Variants in TSPOAP1 observed in about 807,000 individuals in gnomAD.
TSPOAP1 encodes the protein TSPO associated protein 1, also known as peripheral-type benzodiazepine receptor-associated protein 1.
A neutral mutation model predicts 197.0 loss-of-function variants in TSPOAP1; 87 were observed. The observed-to-expected ratio is 0.44, with a 90% CI of 0.37 to 0.53. TSPOAP1 has a LOEUF of 0.53. Among genes scored for constraint, TSPOAP1 ranks in the 20% least tolerant of loss-of-function variants. TSPOAP1 has a pLI of 0.00. For synonymous variants in TSPOAP1, 913 were observed against 998.9 expected (o/e 0.91, Z 1.62); for missense variants, 2,174 against 2,411.3 (o/e 0.90, Z 2.06).
chr17:58,326,903 G>T lies in TSPOAP1; in HGVS notation c.334-113C>A, dbSNP rs1026227494. ...GTCCAAGGAGACATGGAGATGAAAC[G>T]GTTTCCCCTATGTCCCAGGCCTTCA... On this transcript the variant is annotated intron_variant, in intron 1 of 31. Transcript: ENST00000343736. The surrounding 1 kb of genome is among the most constrained non-coding windows in gnomAD (Gnocchi z 4.7). 1 of 892,140 alleles carries T rather than the reference G, an allele frequency of 1.1e-6. No individual in the cohort carries two copies. The highest frequency in any genetic ancestry group is 1.8e-6 in the Non-Finnish European group (1 of 553,912). 55.3% of individuals were successfully genotyped at this position (892,140 alleles called of 1,614,324 possible).
intron 3 of TSPOAP1, 32 bp from the exon 4 acceptor site, chr17:58,325,745 C>G: frequency 6.4e-7 from 1 of 1,566,892 alleles, no homozygotes; most frequent in Non-Finnish European, 8.7e-7. Context: ...CCAATGGTCA[C>G]CTGAGGGCTG....
chr17:58,323,174 G>T, intron 7 of TSPOAP1, 124 bp downstream of exon 7: 2 of 1,465,804 alleles, frequency 1.4e-6, no homozygotes, highest in South Asian at 1.2e-5. Flanking sequence ...GAAAGGAAAG[G>T]AGCAGGAGGG....
At chr17:58,314,899 G>C (rs1971178779) in intron 16 of TSPOAP1, among the ~76,000 whole-genome samples, 2 of 152,232 alleles carry the variant, frequency 1.3e-5, no homozygotes, top group South Asian at 4.1e-4. Flanking sequence ...CAGTCCTTTA[G>C]CTAAGGTTGG....
intron 16 of TSPOAP1, among the ~76,000 whole-genome samples, chr17:58,314,908 G>C (rs1971179221): frequency 6.6e-6 from 1 of 152,220 alleles, no homozygotes; most frequent in African/African-American, 2.4e-5. Flanking sequence ...AGCTAAGGTT[G>C]GACAGGGAAT....
rs746619340 is a variant in TSPOAP1 at position 58,312,237 on chromosome 17, G to C, written c.2584C>G (p.Leu862Val). The C allele has an allele frequency of 4.3e-6, 7 of 1,612,542 alleles. No homozygotes were observed. The Admixed American group carries it at 1.2e-4, about 27-fold the overall frequency. The change falls in exon 17 of 32, where the codon CTG becomes GTG. Residue 862 changes from leucine (L) to valine (V), a missense_variant. Coordinates refer to ENST00000343736, the MANE Select transcript of TSPOAP1 (RefSeq NM_004758.4). ...GGGTCAGAGCTGCCCCGGCTAGTCA[G>C]GGCCTGGACAGAAATGTGAAGGGGC... is the stretch of plus-strand genomic sequence containing the variant. ...AGPLHISVQA[L>V]TSRGSSDPLR...
chr17:58,318,197 G>A (rs752140887), intron 14 of TSPOAP1, 83 bp downstream of exon 14: 127 of 1,480,776 alleles, frequency 8.6e-5, no homozygotes, highest in Non-Finnish European at 1.1e-4. Context: ...AACTCCTGGG[G>A]ACCCCAGAAG....
At position 58,322,127 on chromosome 17, in the gene TSPOAP1, G is replaced by A. The variant is rs551367549; in HGVS notation, c.1422+181C>T. 1 of 614,492 alleles carries A rather than the reference G, an allele frequency of 1.6e-6. No homozygotes were observed. Among genetic ancestry groups the A allele is most frequent in the East Asian group, 2.8e-5 (1 of 35,860 alleles). 38.1% of individuals were successfully genotyped at this position (614,492 alleles called of 1,614,324 possible). A position where few individuals can be genotyped will look rare whatever the true frequency, so the allele number is the denominator to read the frequency against. The stretch of plus-strand genomic sequence containing the variant: ...TTCTTCTCCACCACTGTGCTCATCA[G>A]TGTCTGAAATCAGCTCACTCCTGGA... On this transcript the variant is annotated intron_variant, in intron 10 of 31. Coordinates refer to ENST00000343736, the MANE Select transcript of TSPOAP1 (RefSeq NM_004758.4). This position sits in a 1 kb window ranked among gnomAD's most constrained non-coding sequence, Gnocchi z 5.0.
chr17:58,311,468 C>T lies in TSPOAP1; in HGVS notation c.3081+103G>A, dbSNP rs567522916. 245 of 1,474,802 alleles carry T rather than the reference C, an allele frequency of 1.7e-4. 3 individuals are homozygous for T. The South Asian group carries it at 3.3e-3, about 20-fold the overall frequency. 91.4% of individuals were successfully genotyped at this position (1,474,802 alleles called of 1,614,324 possible). ...CCATCTGCCTCATGGTACCCAAATG[C>T]CAGGGGCTGGGCATCTCCGTGCCAA... On this transcript the variant is annotated intron_variant, in intron 18 of 31. Transcript: ENST00000343736.
In TSPOAP1 at chr17:58,310,732, A is replaced by G. The variant is rs1462159505; in HGVS notation, c.3479T>C (p.Val1160Ala). ...TGTCCTCTCCTCTGAGGTGCCCAGC[A>G]CTGCTGCCCCAGCCTCCTCCTGGAA... is the stretch of plus-strand genomic sequence containing the variant. ...PCSQEEAGAA[V>A]LGTSEERTAS... is the part of the protein sequence containing the mutation. Residue 1160 changes from valine (V) to alanine (A), a missense_variant, in exon 20 of 32, where the codon GTG becomes GCG. Around this residue, in one of 5 missense-constraint regions of TSPOAP1, gnomAD observed 1,933 missense variants for 2,139.0 expected, o/e 0.90. Transcript: ENST00000343736. The G allele has an allele frequency of 1.9e-6, 3 of 1,612,570 alleles. No homozygotes were observed. Among genetic ancestry groups the G allele is most frequent in the Non-Finnish European group, 2.5e-6 (3 of 1,179,670 alleles).
At chr17:58,317,034 A>C (rs1329407294) in intron 14 of TSPOAP1, among the ~76,000 whole-genome samples, 2 of 152,138 alleles carry the variant, frequency 1.3e-5, no homozygotes, top group African/African-American at 4.8e-5. Context: ...CATCTCTACT[A>C]AAAATACAAA....
chr17:58,312,299 G>C lies in TSPOAP1; in HGVS notation c.2522C>G (p.Pro841Arg), dbSNP rs779131160. 6.2e-7 allele frequency: 1 copy of C among 1,612,668 alleles called. No individual in the cohort carries two copies. Among genetic ancestry groups the C allele is most frequent in the African/African-American group, 1.3e-5 (1 of 74,932 alleles). The change falls in exon 17 of 32, where the codon CCC (proline) becomes CGC (arginine). Residue 841 changes from proline to arginine, a missense_variant. By Grantham distance (103) the Pro-to-Arg change is moderately radical. Transcript: ENST00000343736. ...GTCCAGGTTCTCCAGCACGGCCTTG[G>C]GTGGCGCCCCAGGCCCCAGGGCCTG... ...LRQALGPGAP[P>R]KAVLENLDLW...
chr17:58,322,924 C>T lies in TSPOAP1; in HGVS notation c.1194+26G>A, dbSNP rs780615011. The T allele has an allele frequency of 1.9e-5, 30 of 1,606,160 alleles. No homozygotes were observed. In the South Asian group the frequency reaches 3.2e-4, roughly 17 times the overall value. ...GGGGCAGTGGTGGGAGCACAGGTCT[C>T]CACAGCACCTGGGCGGAAGTGGTAC... On this transcript the variant is annotated intron_variant, in intron 8 of 31. Coordinates refer to ENST00000343736, the MANE Select transcript of TSPOAP1 (RefSeq NM_004758.4). This position sits in a 1 kb window ranked among gnomAD's most constrained non-coding sequence, Gnocchi z 5.0.
chr17:58,304,362 A>C lies in TSPOAP1; in HGVS notation c.*8T>G. 6.2e-7 allele frequency: 1 copy of C among 1,613,882 alleles called. No individual in the cohort carries two copies. Among genetic ancestry groups the C allele is most frequent in the Non-Finnish European group, 8.5e-7 (1 of 1,179,764 alleles). On this transcript the variant is annotated 3_prime_UTR_variant, in exon 31 of 32. Coordinates refer to ENST00000343736, the MANE Select transcript of TSPOAP1 (RefSeq NM_004758.4). This position sits in a 1 kb window ranked among gnomAD's most constrained non-coding sequence, Gnocchi z 4.2. ...CATGTTGCTCTCTCTACATATATCT[A>C]TCTCCATCTAGCACTGGACTCTTCT...
At position 58,326,503 on chromosome 17, in the gene TSPOAP1, G is replaced by A. The variant is rs1971615931; in HGVS notation, c.442-82C>T. The A allele has an allele frequency of 6.3e-7, 1 of 1,577,496 alleles. No individual in the cohort carries two copies. Among genetic ancestry groups the A allele is most frequent in the Non-Finnish European group, 8.6e-7 (1 of 1,160,726 alleles). ...CTAACAGCCCAAGTCTTGGGCTAGA[G>A]CCCTAGGCTCACAGTGGGGTCCTTG... On this transcript the variant is annotated intron_variant, in intron 2 of 31. Coordinates refer to ENST00000343736, the MANE Select transcript of TSPOAP1 (RefSeq NM_004758.4). The surrounding 1 kb of genome is among the most constrained non-coding windows in gnomAD (Gnocchi z 4.7).
At position 58,308,904 on chromosome 17, in the gene TSPOAP1, C is replaced by G. The variant is rs1184635786; in HGVS notation, c.4368G>C (p.Glu1456Asp). The change falls in exon 22 of 32, where the codon GAG (glutamate) becomes GAC (aspartate). Residue 1456 changes from glutamate to aspartate, a missense_variant. Physicochemically the swap from Glu to Asp is conservative, Grantham distance 45. Around this residue, in one of 5 missense-constraint regions of TSPOAP1, gnomAD observed 1,933 missense variants for 2,139.0 expected, o/e 0.90. Transcript: ENST00000343736. ...TAGCCTCTAGTCCAGTCCTGGGGCC[C>G]TCAATTACGGGGAGGCCACCCCTCT... Reference protein sequence around the residue: ...TRERGGLPVIEGPRTGLEASG... With the variant: ...TRERGGLPVIDGPRTGLEASG... The G allele has an allele frequency of 6.3e-7, 1 of 1,596,384 alleles. No homozygotes were observed. Among genetic ancestry groups the G allele is most frequent in the Non-Finnish European group, 8.5e-7 (1 of 1,170,986 alleles).
At chr17:58,305,201 T>A in intron 29 of TSPOAP1, 30 bp from the exon 30 acceptor site, 2 of 1,568,854 alleles carry the variant, frequency 1.3e-6, no homozygotes, top group Admixed American at 1.7e-5. Flanking sequence ...GAGACTGAGA[T>A]CAGGAAAGAG....
Position 58,305,864 on chromosome 17 carries a change from A to C in TSPOAP1, c.5226T>G (p.Ala1742=), listed in dbSNP as rs751814072. ...AGGGCTGGGCAGGGCCTTCCGACTC[A>C]GCTGTGGAAAGAATGTGCCTGTGAG... ...PPPKPRRSKK[A]ESEGPAQPCP... Residue 1742 remains alanine, a splice_region_variant and synonymous_variant, in exon 27 of 32, where the codon GCT becomes GCG. Transcript: ENST00000343736. The C allele has an allele frequency of 6.2e-7, 1 of 1,612,416 alleles. No individual in the cohort carries two copies. The highest frequency in any genetic ancestry group is 8.5e-7 in the Non-Finnish European group (1 of 1,179,704).
chr17:58,304,947 G>T lies in TSPOAP1; in HGVS notation c.5544+114C>A, dbSNP rs72839983. On this transcript the variant is annotated intron_variant, in intron 30 of 31. Transcript: ENST00000343736. The surrounding 1 kb of genome is among the most constrained non-coding windows in gnomAD (Gnocchi z 4.2). ...TTAGCGGCTGCACGCTGGACACAGT[G>T]CTTACCTGCATGACCACCCCAGCTG... 0.078 allele frequency: 63,118 copies of T among 804,974 alleles called. 2,702 individuals carry two copies. The highest frequency in any genetic ancestry group is 0.12 in the South Asian group (8,576 of 72,116). The allele number at this position is 804,974 out of a possible 1,614,324, so 49.9% of individuals were successfully genotyped here. A position where few individuals can be genotyped will look rare whatever the true frequency, so the allele number is the denominator to read the frequency against.
At position 58,322,077 on chromosome 17, in the gene TSPOAP1, CCAGT is replaced by C; in HGVS notation, c.1422+227_1422+230del. ...CTCTAAAGTGGCTCCTCACCCCATC[CCAGT>C]CACTTTGTCACATCACCCTGTTCTT... On this transcript the variant is annotated intron_variant, in intron 10 of 31. Coordinates refer to ENST00000343736, the MANE Select transcript of TSPOAP1 (RefSeq NM_004758.4). The surrounding 1 kb of genome is among the most constrained non-coding windows in gnomAD (Gnocchi z 5.0). 1 of 542,724 alleles carries C rather than the reference CCAGT, an allele frequency of 1.8e-6. No homozygotes were observed. Among genetic ancestry groups the C allele is most frequent in the Non-Finnish European group, 3.3e-6 (1 of 307,186 alleles). 33.6% of individuals were successfully genotyped at this position (542,724 alleles called of 1,614,324 possible). A position where few individuals can be genotyped will look rare whatever the true frequency, so the allele number is the denominator to read the frequency against.
Sources: allele counts gnomAD v4.1 joint callset (sites outside exome capture counted in the v4.1 genomes callset), GRCh38; gene constraint gnomAD v4.1.1; regional missense constraint gnomAD v4.1.1; non-coding constraint Gnocchi (gnomAD v3.1); transcripts MANE v1.5; gene names NCBI Gene and HGNC (gene_info 2026-07-23, HGNC 2026-07-21).